LAMA3: variants seen among roughly 807,000 people sequenced by gnomAD.
LAMA3 encodes laminin subunit alpha 3.
In LAMA3, 281 loss-of-function variants were observed where a neutral mutation model predicts 402.0. The observed-to-expected ratio is 0.70, with a 90% CI of 0.63 to 0.77. The LOEUF (loss-of-function observed/expected upper bound fraction) is 0.77, where lower values mean the gene tolerates loss of function less well. LAMA3 is among the 30% of genes least tolerant of loss of function. LAMA3 has a pLI of 0.00. For synonymous variants in LAMA3, 1,431 were observed against 1,558.4 expected, an observed-to-expected ratio of 0.92 and a Z score of 1.93; for missense variants, 3,840 against 4,215.5, an observed-to-expected ratio of 0.91 and a Z score of 2.47.
intron 47 of LAMA3, among the ~76,000 whole-genome samples, chr18:23,900,063 G>T (rs1202306436): frequency 6.8e-5 from 3 of 44,404 alleles, no homozygotes; most frequent in Non-Finnish European, 4.3e-4. Flanking sequence ...AACTTTGTGT[G>T]TGTGTGCGTG....
At chr18:23,860,251 C>T (rs1253226826) in intron 34 of LAMA3, among the ~76,000 whole-genome samples, 3 of 123,988 alleles carry the variant, frequency 2.4e-5, no homozygotes, top group African/African-American at 8.6e-5. Flanking sequence ...TCTTTGGTCA[C>T]TTTTCTTTTC....
chr18:23,702,399 T>G (rs898157010), intron 1 of LAMA3, among the ~76,000 whole-genome samples: 2 of 152,076 alleles, frequency 1.3e-5, no homozygotes, highest in African/African-American at 4.8e-5. Flanking sequence ...GATGTGATCA[T>G]GGCTCACTGC....
At chr18:23,763,066 A>T (rs2062003940) in intron 7 of LAMA3, among the ~76,000 whole-genome samples, 1 of 152,142 alleles carries the variant, frequency 6.6e-6, no homozygotes, top group African/African-American at 2.4e-5. Flanking sequence ...CATATTGGCC[A>T]GGCTGGTCTC....
At chr18:23,747,808 A>C in intron 2 of LAMA3, 135 bp from the exon 3 acceptor site, 2 of 706,426 alleles carry the variant, frequency 2.8e-6, no homozygotes, top group Admixed American at 4.0e-5. Context: ...TCCAATAGAC[A>C]GGAATCAGGA....
intron 33 of LAMA3, 56 bp from the exon 34 acceptor site, chr18:23,858,633 G>T: frequency 6.3e-7 from 1 of 1,582,398 alleles, no homozygotes; most frequent in Non-Finnish European, 8.7e-7. Context: ...GTAGCTAATT[G>T]CAACTAGGGA....
At position 23,954,722 on chromosome 18, in the gene LAMA3, C is replaced by T. The variant is rs1294356372; in HGVS notation, c.*74C>T. On this transcript the variant is annotated 3_prime_UTR_variant, in exon 75 of 75. Coordinates refer to ENST00000313654, the MANE Select transcript of LAMA3 (RefSeq NM_198129.4). ...ACCCAATGCACCTCCCTCCCCAGCT[C>T]GAGATCATTCTTCACTCAGGACACA... The T allele has an allele frequency of 8.8e-6, 13 of 1,473,836 alleles. No homozygotes were observed. The highest frequency in any genetic ancestry group is 1.8e-4 in the Middle Eastern group (1 of 5,694). The allele number at this position is 1,473,836 out of a possible 1,614,324, so 91.3% of individuals were successfully genotyped here.
chr18:23,921,607 G>A (rs1249963077), intron 62 of LAMA3, 22 bp downstream of exon 62: 16 of 1,612,310 alleles, frequency 9.9e-6, no homozygotes, highest in East Asian at 2.2e-5. Flanking sequence ...TTTTTAAAAC[G>A]AGATTTAAAG....
intron 39 of LAMA3, among the ~76,000 whole-genome samples, chr18:23,878,011 G>A (rs2064778477): frequency 6.6e-6 from 1 of 152,174 alleles, no homozygotes; most frequent in Non-Finnish European, 1.5e-5. Context: ...TACTTGGGAG[G>A]CTGAGGCAGG....
intron 23 of LAMA3, among the ~76,000 whole-genome samples, chr18:23,833,240 T>A (rs2063519193): frequency 6.6e-6 from 1 of 152,198 alleles, no homozygotes; most frequent in Non-Finnish European, 1.5e-5. Flanking sequence ...ATGATCACAG[T>A]TTTTCTTAAT....
rs1392666937 is a variant in LAMA3, at chr18:23,903,982, G to A, written c.6368G>A (p.Ser2123Asn). Residue 2123 changes from serine to asparagine, a missense_variant, in exon 50 of 75, where the codon AGT becomes AAT. Coordinates refer to ENST00000313654, the MANE Select transcript of LAMA3 (RefSeq NM_198129.4). ...ASLNEARQEL[S>N]DKVRELSRSA... ...TTAAATGAAGCAAGACAAGAACTAA[G>A]TGACAAAGTAAGAGAACTTTCCAGA... 1 of 1,614,020 alleles carries A rather than the reference G, an allele frequency of 6.2e-7. No homozygotes were observed. Among genetic ancestry groups the A allele is most frequent in the South Asian group, 1.1e-5 (1 of 91,080 alleles).
At chr18:23,928,492 G>A (rs892727155) in intron 63 of LAMA3, 133 bp from the exon 64 acceptor site, 1 of 981,596 alleles carries the variant, frequency 1.0e-6, no homozygotes, top group African/African-American at 1.6e-5. Flanking sequence ...ATGCAGAAAA[G>A]TAAGCTCTCT....
intron 6 of LAMA3, among the ~76,000 whole-genome samples, chr18:23,754,449 C>T (rs894038600): frequency 6.6e-6 from 1 of 152,188 alleles, no homozygotes; most frequent in Non-Finnish European, 1.5e-5. Flanking sequence ...TTTGTCATCA[C>T]TTATTTCACT....
chr18:23,801,947 T>A lies in LAMA3; in HGVS notation c.1604-8419T>A, dbSNP rs374160583. ...ATTTTTGTTTTACATACATATAACA[T>A]ACGCATATACAGAAAAAACATATTC... On this transcript the variant is annotated intron_variant, in intron 12 of 74. Transcript: ENST00000313654. 8.3e-4 allele frequency among the ~76,000 whole-genome samples: 127 copies of A among 152,340 alleles called. 3 individuals carry two copies. In the South Asian group the frequency reaches 0.025, roughly 30 times the overall value.
Position 23,871,509 on chromosome 18 carries a change from G to A in LAMA3, c.4846G>A (p.Val1616Met), listed in dbSNP as rs1243210978. 1 of 1,614,216 alleles carries A rather than the reference G, an allele frequency of 6.2e-7. No individual in the cohort carries two copies. Among genetic ancestry groups the A allele is most frequent in the East Asian group, 2.2e-5 (1 of 44,888 alleles). Residue 1616 changes from valine (V) to methionine (M), a missense_variant, in exon 38 of 75, where the codon GTG becomes ATG. Val to Met is a conservative substitution (Grantham distance 21). Around this residue, in one of 3 missense-constraint regions of LAMA3, gnomAD observed 2,109 missense variants for 2,376.0 expected, o/e 0.89. Coordinates refer to ENST00000313654, the MANE Select transcript of LAMA3 (RefSeq NM_198129.4). ...LMTVLSRLAD[V>M]RIQGLYFTET... ...GACAGTGCTGTCTAGACTGGCAGAT[G>A]TGCGCATCCAAGGCCTCTACTTCAC... is the stretch of plus-strand genomic sequence containing the variant.
At chr18:23,823,717 A>T (rs2063329739) in intron 20 of LAMA3, among the ~76,000 whole-genome samples, 1 of 152,238 alleles carries the variant, frequency 6.6e-6, no homozygotes, top group African/African-American at 2.4e-5. Flanking sequence ...TTTGGAGAAG[A>T]TAATTCTTTG....
rs1205082183 is a variant in LAMA3, at chr18:23,944,523, C to CA, written c.9210+553dup. The stretch of plus-strand genomic sequence containing the variant: ...AAGCAAACAATCCTCAATGTAATGT[C>CA]AGAGATTGGTAAGTGCTTTGAGAAA... On this transcript the variant is annotated intron_variant, in intron 69 of 74. Coordinates refer to ENST00000313654, the MANE Select transcript of LAMA3 (RefSeq NM_198129.4). Among the ~76,000 whole-genome samples the CA allele has an allele frequency of 2.0e-5, 3 of 152,312 alleles. No individual in the cohort carries two copies. The East Asian group carries it at 5.8e-4, about 29-fold the overall frequency.
At chr18:23,850,894 A>C (rs965877977) in intron 32 of LAMA3, among the ~76,000 whole-genome samples, 3 of 152,230 alleles carry the variant, frequency 2.0e-5, no homozygotes, top group Admixed American at 6.5e-5. Context: ...AGCTATTTTC[A>C]GATTGATCAA....
chr18:23,699,831 A>G (rs1331770545), intron 1 of LAMA3, among the ~76,000 whole-genome samples: 1 of 152,218 alleles, frequency 6.6e-6, no homozygotes, highest in Admixed American at 6.5e-5. Context: ...ATTCCCAGAA[A>G]GCTAGGTATT....
chr18:23,847,179 A>G (rs905501656), intron 31 of LAMA3, among the ~76,000 whole-genome samples: 1 of 152,138 alleles, frequency 6.6e-6, no homozygotes, highest in Non-Finnish European at 1.5e-5. Flanking sequence ...AATTTCCAGA[A>G]TCCTTCAATG....
Sources: allele counts gnomAD v4.1 joint callset (sites outside exome capture counted in the v4.1 genomes callset), GRCh38; gene constraint gnomAD v4.1.1; regional missense constraint gnomAD v4.1.1; transcripts MANE v1.5; gene names NCBI Gene and HGNC (gene_info 2026-07-23, HGNC 2026-07-21).